CAMKK1: variants seen among roughly 807,000 people sequenced by gnomAD.
CAMKK1 encodes calcium/calmodulin dependent protein kinase kinase 1.
In CAMKK1, 20 loss-of-function variants were observed where a neutral mutation model predicts 63.5. The observed-to-expected ratio is 0.32, with a 90% CI of 0.22 to 0.46. The LOEUF is 0.46. Among genes scored for constraint, CAMKK1 ranks in the 20% least tolerant of loss-of-function variants. The pLI, the probability that CAMKK1 is intolerant of heterozygous loss-of-function variation, is 1.00. For synonymous variants in CAMKK1, 253 were observed against 269.0 expected (o/e 0.94, Z 0.58); for missense variants, 588 against 658.1 (o/e 0.89, Z 1.17).
chr17:3,890,721 C>T lies in CAMKK1; in HGVS notation c.-44+2218G>A. ...CCACTGCAGCCACACCACAGCTTCC[C>T]AAATTGCATACTCTGTTCTGCTGCC... is the stretch of plus-strand genomic sequence containing the variant. On this transcript the variant is annotated intron_variant, in intron 1 of 15. Coordinates refer to ENST00000348335, the MANE Select transcript of CAMKK1 (RefSeq NM_032294.3). This position sits in a 1 kb window ranked among gnomAD's most constrained non-coding sequence, Gnocchi z 6.5. The T allele has an allele frequency of 5.1e-6, 4 of 779,778 alleles. No individual in the cohort carries two copies. Among genetic ancestry groups the T allele is most frequent in the Non-Finnish European group, 9.6e-6 (4 of 417,976 alleles). 48.3% of individuals were successfully genotyped at this position (779,778 alleles called of 1,614,324 possible).
intron 14 of CAMKK1, among the ~76,000 whole-genome samples, chr17:3,866,850 G>A (rs760725022): frequency 1.1e-4 from 17 of 152,094 alleles, no homozygotes; most frequent in Non-Finnish European, 1.9e-4. Context: ...CTCCTGAATA[G>A]CTGGGATTAC....
rs945426559 is a variant in CAMKK1, at chr17:3,884,106, G to A, written c.409-169C>T. Reference sequence around the variant, plus strand: ...TAGCAGATGGGGAGGGGACTCCTGCGCCCTGGTAACTGCCCCTGCTTGGCT... The same window carrying A: ...TAGCAGATGGGGAGGGGACTCCTGCACCCTGGTAACTGCCCCTGCTTGGCT... On this transcript the variant is annotated intron_variant, in intron 3 of 15. Transcript: ENST00000348335. This position sits in a 1 kb window ranked among gnomAD's most constrained non-coding sequence, Gnocchi z 4.5. Among the ~76,000 whole-genome samples, 8 of 152,042 alleles carry A rather than the reference G, an allele frequency of 5.3e-5. No homozygotes were observed. The highest frequency in any genetic ancestry group is 3.9e-4 in the East Asian group (2 of 5,178).
At chr17:3,868,382 G>A (rs993590459) in intron 14 of CAMKK1, among the ~76,000 whole-genome samples, 4 of 146,004 alleles carry the variant, frequency 2.7e-5, no homozygotes, top group Non-Finnish European at 6.0e-5. Flanking sequence ...TGGGGGAGAC[G>A]CAGGCCCATC....
chr17:3,865,930 A>C lies in CAMKK1; in HGVS notation c.1423T>G (p.Ser475Ala). ...TACACCAGTAGGTTTCCTGGAGCAG[A>C]CATGGATCGCTCTTCCCTCCGTGCT... ...PQARREERSM[S>A]APGNLLVKEG... The change falls in exon 15 of 16, where the codon TCT becomes GCT. Residue 475 changes from serine to alanine, a missense_variant. Physicochemically the swap from Ser to Ala is moderately conservative, Grantham distance 99 (BLOSUM62 1). Coordinates refer to ENST00000348335, the MANE Select transcript of CAMKK1 (RefSeq NM_032294.3). 1 of 1,614,178 alleles carries C rather than the reference A, an allele frequency of 6.2e-7. No homozygotes were observed. Among genetic ancestry groups the C allele is most frequent in the Non-Finnish European group, 8.5e-7 (1 of 1,180,030 alleles).
intron 9 of CAMKK1, among the ~76,000 whole-genome samples, chr17:3,878,057 C>T (rs1357328692): frequency 6.6e-6 from 1 of 152,202 alleles, no homozygotes; most frequent in South Asian, 2.1e-4. Context: ...CAGGATCATC[C>T]TCAATTCCTC....
chr17:3,862,786 C>T lies in CAMKK1; in HGVS notation c.1446-503G>A, dbSNP rs187786206. On this transcript the variant is annotated intron_variant, in intron 15 of 15. Coordinates refer to ENST00000348335, the MANE Select transcript of CAMKK1 (RefSeq NM_032294.3). The surrounding 1 kb of genome is among the most constrained non-coding windows in gnomAD (Gnocchi z 4.1). ...CTGAGACTACAGGCACATGCCACCACGCCCAGCTAATTTTTGTATTTTTTT... is the reference window on the plus strand; with the variant it reads ...CTGAGACTACAGGCACATGCCACCATGCCCAGCTAATTTTTGTATTTTTTT... Among the ~76,000 whole-genome samples the T allele has an allele frequency of 3.4e-3, 518 of 152,186 alleles. 1 individual carries two copies. Among genetic ancestry groups the T allele is most frequent in the African/African-American group, 9.6e-3 (399 of 41,508 alleles).
Position 3,875,117 on chromosome 17 carries a change from G to A in CAMKK1, c.996+1106C>T, listed in dbSNP as rs534682079. Among the ~76,000 whole-genome samples the A allele has an allele frequency of 3.6e-4, 55 of 151,696 alleles. No homozygotes were observed. The Middle Eastern group carries it at 0.01, about 28-fold the overall frequency. On this transcript the variant is annotated intron_variant, in intron 10 of 15. Coordinates refer to ENST00000348335, the MANE Select transcript of CAMKK1 (RefSeq NM_032294.3). ...AGCCTGGGCGACAGAGCGAGACTCC[G>A]GCTCAAAAAAAAAGAAAGATGATGA...
At chr17:3,873,357 G>A (rs372321883) in intron 11 of CAMKK1, 52 bp downstream of exon 11, 16 of 1,553,098 alleles carry the variant, frequency 1.0e-5, no homozygotes, top group Middle Eastern at 1.7e-4. Flanking sequence ...TCCGTCGCCC[G>A]TGCCCGCCTC....
chr17:3,882,337 T>A lies in CAMKK1; in HGVS notation c.685+191A>T, dbSNP rs1251915666. ...GTGGGGCTTGGCGATATTTGTTGAA[T>A]CTAACTGGATATTCTGGGCCTGGTT... On this transcript the variant is annotated intron_variant, in intron 7 of 15. Transcript: ENST00000348335. This position sits in a 1 kb window ranked among gnomAD's most constrained non-coding sequence, Gnocchi z 4.3. The A allele has an allele frequency of 6.2e-7, 1 of 1,613,670 alleles. No individual in the cohort carries two copies. Among genetic ancestry groups the A allele is most frequent in the South Asian group, 1.1e-5 (1 of 91,062 alleles).
rs1246597507 is a variant in CAMKK1, at chr17:3,879,924, T to C, written c.796+422A>G. ...AAGCTCACATCACCCTCCTGAGCTC[T>C]TATCAGACTAGGGCCCCTCACAGGT... is the stretch of plus-strand genomic sequence containing the variant. On this transcript the variant is annotated intron_variant, in intron 9 of 15. Coordinates refer to ENST00000348335, the MANE Select transcript of CAMKK1 (RefSeq NM_032294.3). The surrounding 1 kb of genome is among the most constrained non-coding windows in gnomAD (Gnocchi z 4.5). 1 of 187,742 alleles carries C rather than the reference T, an allele frequency of 5.3e-6. No individual in the cohort carries two copies. Among genetic ancestry groups the C allele is most frequent in the South Asian group, 1.0e-4 (1 of 9,734 alleles). The allele number at this position is 187,742 out of a possible 1,614,324, so 11.6% of individuals were successfully genotyped here.
At chr17:3,873,217 G>A (rs1398300418) in intron 11 of CAMKK1, among the ~76,000 whole-genome samples, 192 bp downstream of exon 11, 4 of 152,208 alleles carry the variant, frequency 2.6e-5, no homozygotes, top group African/African-American at 9.6e-5. Flanking sequence ...CTGCTGTCCT[G>A]CGACTCCTTC....
chr17:3,882,012 C>A lies in CAMKK1; in HGVS notation c.686-364G>T, dbSNP rs953545081. ...TCAGCCTCTAATTCCTAAGCCAGTT[C>A]TTCTTCTGCCCCATTTTCTGAGGCC... On this transcript the variant is annotated intron_variant, in intron 7 of 15. Transcript: ENST00000348335. The surrounding 1 kb of genome is among the most constrained non-coding windows in gnomAD (Gnocchi z 4.3). 4 of 525,088 alleles carry A rather than the reference C, an allele frequency of 7.6e-6. No individual in the cohort carries two copies. The highest frequency in any genetic ancestry group is 1.3e-5 in the Non-Finnish European group (4 of 297,968). 32.5% of individuals were successfully genotyped at this position (525,088 alleles called of 1,614,324 possible).
Position 3,862,003 on chromosome 17 carries a change from G to T in CAMKK1, c.*208C>A. 1.7e-6 allele frequency: 1 copy of T among 589,362 alleles called. No individual in the cohort carries two copies. The highest frequency in any genetic ancestry group is 3.0e-6 in the Non-Finnish European group (1 of 328,720). The allele number at this position is 589,362 out of a possible 1,614,324, so 36.5% of individuals were successfully genotyped here. On this transcript the variant is annotated 3_prime_UTR_variant, in exon 16 of 16. Coordinates refer to ENST00000348335, the MANE Select transcript of CAMKK1 (RefSeq NM_032294.3). The surrounding 1 kb of genome is among the most constrained non-coding windows in gnomAD (Gnocchi z 4.1). ...AGAAGAGGAGGATGGCCTCGTGGGA[G>T]CCCTGCCCCCAAGACCCCAAATGAC...
rs565792678 is a variant in CAMKK1, at chr17:3,873,939, C to G, written c.997-477G>C. ...TGTCCTCTCACGCCCTCATCCACCG[C>G]CACTGCAACAACTCCTCTGGGCTCC... On this transcript the variant is annotated intron_variant, in intron 10 of 15. Coordinates refer to ENST00000348335, the MANE Select transcript of CAMKK1 (RefSeq NM_032294.3). 2.4e-4 allele frequency among the ~76,000 whole-genome samples: 36 copies of G among 152,310 alleles called. 1 individual carries two copies. The highest frequency in any genetic ancestry group is 1.4e-3 in the Admixed American group (21 of 15,298).
rs928844425 is a variant in CAMKK1, at chr17:3,862,071, T to C, written c.*140A>G. On this transcript the variant is annotated 3_prime_UTR_variant, in exon 16 of 16. Coordinates refer to ENST00000348335, the MANE Select transcript of CAMKK1 (RefSeq NM_032294.3). The surrounding 1 kb of genome is among the most constrained non-coding windows in gnomAD (Gnocchi z 4.1). ...CCTGGACGTGCGTGCGTGGAGGTCA[T>C]GCAGCACGATGGGGGAGGGGCGGGA... The C allele has an allele frequency of 1.5e-6, 1 of 662,204 alleles. No homozygotes were observed. The highest frequency in any genetic ancestry group is 2.6e-6 in the Non-Finnish European group (1 of 377,450). 41.0% of individuals were successfully genotyped at this position (662,204 alleles called of 1,614,324 possible).
chr17:3,874,423 G>A (rs529054869), intron 10 of CAMKK1, among the ~76,000 whole-genome samples: 30 of 152,270 alleles, frequency 2.0e-4, no homozygotes, highest in African/African-American at 6.5e-4. Flanking sequence ...CCAGGCTAGA[G>A]TGCAATAGCA....
In CAMKK1 at chr17:3,889,934, CT is replaced by C. The variant is rs1163245268; in HGVS notation, c.-44+3004del. Among the ~76,000 whole-genome samples, 2 of 152,244 alleles carry C rather than the reference CT, an allele frequency of 1.3e-5. No homozygotes were observed. The highest frequency in any genetic ancestry group is 2.9e-5 in the Non-Finnish European group (2 of 68,040). On this transcript the variant is annotated intron_variant, in intron 1 of 15. Coordinates refer to ENST00000348335, the MANE Select transcript of CAMKK1 (RefSeq NM_032294.3). The surrounding 1 kb of genome is among the most constrained non-coding windows in gnomAD (Gnocchi z 5.2). Reference sequence around the variant, plus strand: ...GCTCCACCTGGGAGCTGGTCAGGCCCTGGTCAGGCCTCATTCTGAGCGCTGG... The same window carrying C: ...GCTCCACCTGGGAGCTGGTCAGGCCCGGTCAGGCCTCATTCTGAGCGCTGG...
chr17:3,873,397 C>G lies in CAMKK1; in HGVS notation c.1050+12G>C. On this transcript the variant is annotated intron_variant, in intron 11 of 15. Transcript: ENST00000348335. ...GACCCGCCCCAGCTCTGCTGGCATCCCTGGCACTCACCTTCCCATAGACAA... is the reference window on the plus strand; with the variant it reads ...GACCCGCCCCAGCTCTGCTGGCATCGCTGGCACTCACCTTCCCATAGACAA... 1 of 1,613,698 alleles carries G rather than the reference C, an allele frequency of 6.2e-7. No homozygotes were observed. Among genetic ancestry groups the G allele is most frequent in the Non-Finnish European group, 8.5e-7 (1 of 1,179,720 alleles).
intron 15 of CAMKK1, chr17:3,865,664 T>C: frequency 7.3e-7 from 1 of 1,375,918 alleles, no homozygotes; most frequent in Non-Finnish European, 9.4e-7. Context: ...GAGCTCCTCA[T>C]CCCTGGAAGT....
Sources: gnomAD v4.1 joint callset for allele counts (sites outside exome capture counted in the v4.1 genomes callset) on GRCh38, gnomAD v4.1.1 for gene constraint, Gnocchi (gnomAD v3.1) non-coding constraint, MANE v1.5 for transcripts, NCBI Gene and HGNC (gene_info 2026-07-23, HGNC 2026-07-21) for gene names.